The following TRIM27 variants were observed in gnomAD, a reference collection of about 807,000 sequenced individuals.
The protein encoded by TRIM27 is tripartite motif containing 27, also known as zinc finger protein RFP.
Under a neutral mutation model 57.6 loss-of-function variants are expected in TRIM27, and 12 were observed. The observed-to-expected ratio is 0.21, with a 90% CI of 0.13 to 0.34. The LOEUF is 0.34. TRIM27 is among the 10% of genes least tolerant of loss of function. The probability of loss-of-function intolerance (pLI) is 1.00; values close to 1 mark genes in which losing one functional copy is unlikely to be tolerated. For missense variants in TRIM27, 403 were observed against 656.8 expected (o/e 0.61, Z 4.22); for synonymous variants, 266 against 259.0 (o/e 1.03, Z -0.26).
intron 3 of TRIM27, among the ~76,000 whole-genome samples, chr6:28,914,592 G>A (rs1450639865): frequency 9.6e-6 from 1 of 103,784 alleles, no homozygotes; most frequent in Non-Finnish European, 1.9e-5. Context: ...GGGGGGGGGG[G>A]GATGAGGGAT....
chr6:28,910,541 G>A (rs537580398), intron 4 of TRIM27, among the ~76,000 whole-genome samples: 55 of 152,226 alleles, frequency 3.6e-4, no homozygotes, highest in African/African-American at 1.3e-3. Flanking sequence ...TGTTGGTCAG[G>A]CTGGTCTCGA....
Position 28,923,594 on chromosome 6 carries a change from C to T in TRIM27, c.39G>A (p.Glu13=), listed in dbSNP as rs759295105. ...ACTGCAGGCACACGGGGCAGGTGGTCTCCTGCTGCAGGCACTCGGCCACAC... is the reference window on the plus strand; with the variant it reads ...ACTGCAGGCACACGGGGCAGGTGGTTTCCTGCTGCAGGCACTCGGCCACAC... ...SGSVAECLQQ[E]TTCPVCLQYF... Residue 13 remains glutamate (E), a synonymous_variant, in exon 1 of 8, where the codon GAG becomes GAA. Transcript: ENST00000377199. The T allele has an allele frequency of 6.2e-7, 1 of 1,601,364 alleles. No homozygotes were observed. The highest frequency in any genetic ancestry group is 1.1e-5 in the South Asian group (1 of 90,422).
Position 28,903,620 on chromosome 6 carries a change from G to T in TRIM27, c.*450C>A. On this transcript the variant is annotated 3_prime_UTR_variant, in exon 8 of 8. Transcript: ENST00000377199. ...CAGACGGAAAACTGGGATAAAGGGA[G>T]CCATGCTGACAGGGCCTTATTCCAG... 1 of 243,686 alleles carries T rather than the reference G, an allele frequency of 4.1e-6. No individual in the cohort carries two copies. Among genetic ancestry groups the T allele is most frequent in the Non-Finnish European group, 8.0e-6 (1 of 124,974 alleles). The allele number at this position is 243,686 out of a possible 1,614,324, so 15.1% of individuals were successfully genotyped here.
chr6:28,918,018 G>C (rs558752269), intron 3 of TRIM27, among the ~76,000 whole-genome samples: 1 of 151,962 alleles, frequency 6.6e-6, no homozygotes, highest in Non-Finnish European at 1.5e-5. Context: ...TAGAGATGGG[G>C]TTTCTCCATG....
chr6:28,906,230 AAAT>A (rs1361289245), intron 7 of TRIM27: 8 of 152,018 alleles, frequency 5.3e-5, no homozygotes, highest in Non-Finnish European at 5.9e-5. Context: ...TAAAAAATTA[AAAT>A]AATAAATAAA....
intron 3 of TRIM27, among the ~76,000 whole-genome samples, chr6:28,914,583 G>GT (rs1256252359): frequency 1.1e-5 from 1 of 89,372 alleles, no homozygotes; most frequent in Non-Finnish European, 2.1e-5. Flanking sequence ...TGCAAGGGTG[G>GT]GGGGGGGGGG....
chr6:28,921,745 G>A (rs1390183217), intron 2 of TRIM27, 147 bp downstream of exon 2: 11 of 684,428 alleles, frequency 1.6e-5, no homozygotes, highest in East Asian at 7.6e-5. Context: ...TTAGTTCTCC[G>A]GGTGAGTTCC....
intron 3 of TRIM27, among the ~76,000 whole-genome samples, chr6:28,913,795 C>G (rs570998984): frequency 6.6e-6 from 1 of 152,044 alleles, no homozygotes; most frequent in Admixed American, 6.6e-5. Context: ...GGTCTTTTCT[C>G]TCGCAATACT....
At position 28,923,088 on chromosome 6, in the gene TRIM27, G is replaced by T; in HGVS notation, c.420+125C>A. ...CTGAGGCTCTGGAGCGGACAGAGAG[G>T]AAATGACGGCTGTGAACCACACGTC... On this transcript the variant is annotated intron_variant, in intron 1 of 7. Coordinates refer to ENST00000377199, the MANE Select transcript of TRIM27 (RefSeq NM_006510.5). The T allele has an allele frequency of 1.8e-6, 2 of 1,141,928 alleles. 1 individual carries two copies. The highest frequency in any genetic ancestry group is 4.5e-4 in the Middle Eastern group (2 of 4,398). 70.7% of individuals were successfully genotyped at this position (1,141,928 alleles called of 1,614,324 possible). A position where few individuals can be genotyped will look rare whatever the true frequency, so the allele number is the denominator to read the frequency against.
Position 28,903,607 on chromosome 6 carries a change from T to C in TRIM27, c.*463A>G. Reference sequence around the variant, plus strand: ...GAGGTACTGTTCCCAGACGGAAAACTGGGATAAAGGGAGCCATGCTGACAG... The same window carrying C: ...GAGGTACTGTTCCCAGACGGAAAACCGGGATAAAGGGAGCCATGCTGACAG... On this transcript the variant is annotated 3_prime_UTR_variant, in exon 8 of 8. Transcript: ENST00000377199. 4.1e-6 allele frequency: 1 copy of C among 241,664 alleles called. No homozygotes were observed. Among genetic ancestry groups the C allele is most frequent in the Non-Finnish European group, 8.1e-6 (1 of 123,740 alleles). 15.0% of individuals were successfully genotyped at this position (241,664 alleles called of 1,614,324 possible).
At chr6:28,917,678 T>C (rs529935811) in intron 3 of TRIM27, among the ~76,000 whole-genome samples, 3 of 152,164 alleles carry the variant, frequency 2.0e-5, no homozygotes, top group African/African-American at 7.2e-5. Context: ...GCAAACCAAC[T>C]GTCTTTCCCA....
In TRIM27 at chr6:28,923,389, G is replaced by A. The variant is rs772792258; in HGVS notation, c.244C>T (p.Arg82Cys). 6.2e-7 allele frequency: 1 copy of A among 1,612,238 alleles called. No homozygotes were observed. Among genetic ancestry groups the A allele is most frequent in the East Asian group, 2.2e-5 (1 of 44,844 alleles). Residue 82 changes from arginine (R) to cysteine (C), a missense_variant, in exon 1 of 8, where the codon CGC (arginine) becomes TGC (cysteine). Transcript: ENST00000377199. The stretch of plus-strand genomic sequence containing the variant: ...CCGGGCCCCGACGGCCGCTCGGTGC[G>A]CAGCTGCTTTACCAGTTGGGTCACG... The part of the protein sequence containing the change: ...ANVTQLVKQL[R>C]TERPSGPGGE...
At chr6:28,913,273 T>A (rs1439890968) in intron 3 of TRIM27, among the ~76,000 whole-genome samples, 4 of 145,192 alleles carry the variant, frequency 2.8e-5, no homozygotes, top group East Asian at 3.9e-4. Context: ...AAAAAAAATA[T>A]ATATATATAT....
At chr6:28,909,992 C>T (rs1160118442) in intron 4 of TRIM27, among the ~76,000 whole-genome samples, 1 of 151,910 alleles carries the variant, frequency 6.6e-6, no homozygotes, top group Non-Finnish European at 1.5e-5. Context: ...TGTAACATGA[C>T]AGGAAACAGT....
At chr6:28,914,332 G>C (rs1773442822) in intron 3 of TRIM27, among the ~76,000 whole-genome samples, 1 of 151,472 alleles carries the variant, frequency 6.6e-6, no homozygotes, top group South Asian at 2.1e-4. Context: ...ACGGGGTTTT[G>C]CCATGTTGGC....
At position 28,904,166 on chromosome 6, in the gene TRIM27, T is replaced by C; in HGVS notation, c.1446A>G (p.Lys482=). ...PYFSLSYSGG[K]SAAPLIICPM... ...GGCAGATGATCAGAGGAGCTGCACT[T>C]TTCCCTCCCGAGTAACTCAGACTGA... Residue 482 remains lysine (K), a synonymous_variant, in exon 8 of 8, where the codon AAA becomes AAG. Coordinates refer to ENST00000377199, the MANE Select transcript of TRIM27 (RefSeq NM_006510.5). The surrounding 1 kb of genome is among the most constrained non-coding windows in gnomAD (Gnocchi z 6.1). The C allele has an allele frequency of 6.2e-7, 1 of 1,613,038 alleles. No individual in the cohort carries two copies. The highest frequency in any genetic ancestry group is 8.5e-7 in the Non-Finnish European group (1 of 1,180,040).
intron 3 of TRIM27, among the ~76,000 whole-genome samples, 182 bp downstream of exon 3, chr6:28,919,830 G>A (rs1383395814): frequency 6.6e-6 from 1 of 152,252 alleles, no homozygotes; most frequent in Non-Finnish European, 1.5e-5. Context: ...AATTCAAGTT[G>A]TGTGAACCAG....
At chr6:28,906,295 A>T (rs1301609266) in intron 7 of TRIM27, 1 of 152,212 alleles carries the variant, frequency 6.6e-6, no homozygotes, top group East Asian at 1.9e-4. Context: ...CATCTTGTTC[A>T]GGAGGAAGAG....
intron 3 of TRIM27, 129 bp downstream of exon 3, chr6:28,919,881 TAG>T (rs1288909878): frequency 3.8e-6 from 3 of 795,000 alleles, no homozygotes; most frequent in South Asian, 1.9e-5. Context: ...GTGCACAATA[TAG>T]AGTTTGGCAA....
Sources: gnomAD v4.1 joint callset for allele counts (sites outside exome capture counted in the v4.1 genomes callset) on GRCh38, gnomAD v4.1.1 for gene constraint, Gnocchi (gnomAD v3.1) non-coding constraint, MANE v1.5 for transcripts, NCBI Gene and HGNC (gene_info 2026-07-23, HGNC 2026-07-21) for gene names.